Variants in RGS7 observed in about 807,000 individuals in gnomAD.
RGS7 encodes the protein regulator of G protein signaling 7.
In RGS7, 27 loss-of-function variants were observed where a neutral mutation model predicts 81.1. That is an observed-to-expected ratio of 0.33 (90% CI 0.25 to 0.46). The LOEUF (loss-of-function observed/expected upper bound fraction) is 0.46. RGS7 is among the 20% of genes least tolerant of loss of function. RGS7 has a pLI of 1.00. For synonymous variants in RGS7, 208 were observed against 207.7 expected, an observed-to-expected ratio of 1.00 and a Z score of -0.01; for missense variants, 396 against 607.4, an observed-to-expected ratio of 0.65 and a Z score of 3.66.
chr1:241,079,038 T>C (rs548871019), intron 3 of RGS7, among the ~76,000 whole-genome samples: 1 of 152,332 alleles, frequency 6.6e-6, no homozygotes, highest in African/African-American at 2.4e-5. Flanking sequence ...TGGGGGGCTC[T>C]GGAGGAATTT....
intron 2 of RGS7, among the ~76,000 whole-genome samples, chr1:241,352,113 G>A (rs1029717957): frequency 6.6e-6 from 1 of 152,196 alleles, no homozygotes; most frequent in East Asian, 1.9e-4. Flanking sequence ...GGCCAGTGCT[G>A]CCCCCACAAA....
chr1:241,016,166 T>C (rs542204089), intron 3 of RGS7, among the ~76,000 whole-genome samples: 9 of 152,146 alleles, frequency 5.9e-5, no homozygotes, highest in Admixed American at 3.9e-4. Context: ...TGAAAAATTA[T>C]GAAGATTTGG....
intron 3 of RGS7, among the ~76,000 whole-genome samples, chr1:241,079,297 T>G (rs2148891416): frequency 6.6e-6 from 1 of 152,286 alleles, no homozygotes; most frequent in Non-Finnish European, 1.5e-5. Context: ...TCATTAACAT[T>G]TTCTGAATGT....
intron 3 of RGS7, among the ~76,000 whole-genome samples, chr1:241,067,619 C>T (rs1391367008): frequency 6.6e-6 from 1 of 151,722 alleles, no homozygotes; most frequent in African/African-American, 2.4e-5. Flanking sequence ...TCCCGTGTTC[C>T]AGTGATTCTC....
At chr1:241,255,019 G>T (rs898706086) in intron 2 of RGS7, among the ~76,000 whole-genome samples, 3 of 152,188 alleles carry the variant, frequency 2.0e-5, no homozygotes, top group Non-Finnish European at 4.4e-5. Context: ...AATAGAAGAT[G>T]ACTGTTGAAG....
chr1:241,017,825 C>A (rs574542305), intron 3 of RGS7, among the ~76,000 whole-genome samples: 2 of 151,996 alleles, frequency 1.3e-5, no homozygotes, highest in African/African-American at 4.8e-5. Context: ...ATCCTATTTA[C>A]CCTTTTGGTA....
At chr1:240,831,895 C>T (rs1693918107) in intron 9 of RGS7, among the ~76,000 whole-genome samples, 1 of 152,160 alleles carries the variant, frequency 6.6e-6, no homozygotes, top group Non-Finnish European at 1.5e-5. Context: ...CCTTGGCCTC[C>T]CGAAGTGCTG....
intron 2 of RGS7, among the ~76,000 whole-genome samples, chr1:241,283,358 T>A (rs2078626495): frequency 6.6e-6 from 1 of 152,200 alleles, no homozygotes; most frequent in Non-Finnish European, 1.5e-5. Context: ...TTAGTTTTCC[T>A]CCATTTGAGA....
At chr1:241,015,269 T>C (rs2059162787) in intron 3 of RGS7, among the ~76,000 whole-genome samples, 1 of 152,194 alleles carries the variant, frequency 6.6e-6, no homozygotes, top group African/African-American at 2.4e-5. Context: ...TTTCATTATG[T>C]TCATCTGTCG....
At chr1:240,791,682 T>C (rs1461652030) in intron 18 of RGS7, among the ~76,000 whole-genome samples, 1 of 152,222 alleles carries the variant, frequency 6.6e-6, no homozygotes, top group Non-Finnish European at 1.5e-5. Context: ...AAGAGATGAC[T>C]TGTTGATGAC....
intron 1 of RGS7, among the ~76,000 whole-genome samples, chr1:241,356,144 T>C (rs371929502): frequency 4.6e-5 from 7 of 152,026 alleles, no homozygotes; most frequent in African/African-American, 1.7e-4. Flanking sequence ...TAGTACAGAG[T>C]TCTCTTCTCT....
intron 3 of RGS7, among the ~76,000 whole-genome samples, chr1:241,085,621 G>T (rs560511419): frequency 3.9e-5 from 6 of 152,074 alleles, no homozygotes; most frequent in South Asian, 2.1e-4. Context: ...TAGATATGGG[G>T]TTTTGCCATG....
At chr1:240,816,964 C>T (rs965839904) in intron 10 of RGS7, among the ~76,000 whole-genome samples, 7 of 152,202 alleles carry the variant, frequency 4.6e-5, no homozygotes, top group Admixed American at 3.9e-4. Flanking sequence ...TACTTCACAA[C>T]ACTAGCCTTG....
At chr1:240,813,428 G>A (rs1690245069) in intron 13 of RGS7, among the ~76,000 whole-genome samples, 190 bp downstream of exon 13, 1 of 151,826 alleles carries the variant, frequency 6.6e-6, no homozygotes, top group African/African-American at 2.4e-5. Flanking sequence ...TAATGCAAAT[G>A]CAAATCTTAA....
chr1:240,982,778 A>G (rs1685113407), intron 4 of RGS7, among the ~76,000 whole-genome samples: 1 of 152,246 alleles, frequency 6.6e-6, no homozygotes, highest in South Asian at 2.1e-4. Context: ...CTTGCCATAA[A>G]TTATATGTAC....
rs530548060 is a variant in RGS7 at position 241,303,490 on chromosome 1, T to C, written c.78+52209A>G. Among the ~76,000 whole-genome samples, 237 of 152,340 alleles carry C rather than the reference T, an allele frequency of 1.6e-3. 2 individuals are homozygous for C. The highest frequency in any genetic ancestry group is 5.4e-3 in the African/African-American group (226 of 41,588). On this transcript the variant is annotated intron_variant, in intron 2 of 18. Coordinates refer to ENST00000440928, the MANE Select transcript of RGS7 (RefSeq NM_001364886.1). Reference sequence around the variant, plus strand: ...GTAGTTCTTTACAGCACTGCAAGAATGGACTAATGCACCATCACACCTCTG... The same window carrying C: ...GTAGTTCTTTACAGCACTGCAAGAACGGACTAATGCACCATCACACCTCTG...
intron 2 of RGS7, among the ~76,000 whole-genome samples, chr1:241,099,316 CACAT>C (rs1446567784): frequency 6.6e-6 from 1 of 151,458 alleles, no homozygotes; most frequent in Admixed American, 6.6e-5. Context: ...CAAATACACA[CACAT>C]ACACACTCTC....
chr1:241,240,320 G>A (rs1468585108), intron 2 of RGS7, among the ~76,000 whole-genome samples: 1 of 152,198 alleles, frequency 6.6e-6, no homozygotes, highest in Non-Finnish European at 1.5e-5. Context: ...CTGCAGTCTA[G>A]GCACCCTGCT....
intron 3 of RGS7, among the ~76,000 whole-genome samples, chr1:241,089,435 C>A (rs551126759): frequency 4.5e-4 from 68 of 151,954 alleles, no homozygotes; most frequent in Admixed American, 2.2e-3. Context: ...CCCTTTTCTG[C>A]CTAAAAGCAG....
Sources: allele counts gnomAD v4.1 joint callset (sites outside exome capture counted in the v4.1 genomes callset), GRCh38; gene constraint gnomAD v4.1.1; transcripts MANE v1.5; gene names NCBI Gene and HGNC (gene_info 2026-07-23, HGNC 2026-07-21).